Variants in KIAA0753 observed in about 807,000 individuals in gnomAD.
KIAA0753 encodes the protein protein moonraker.
Under a neutral mutation model 116.9 loss-of-function variants are expected in KIAA0753, and 114 were observed. The ratio of observed to expected loss-of-function variants is 0.98; its 90% confidence interval spans 0.84 to 1.14. The LOEUF (loss-of-function observed/expected upper bound fraction) is 1.14, where lower values mean the gene tolerates loss of function less well. Among genes scored for constraint, KIAA0753 ranks in the 50% most tolerant of loss-of-function variants. The pLI, the probability that KIAA0753 is intolerant of heterozygous loss-of-function variation, is 0.00. For synonymous variants in KIAA0753, 405 were observed against 413.1 expected, an observed-to-expected ratio of 0.98 and a Z score of 0.24; for missense variants, 1,156 against 1,172.4, an observed-to-expected ratio of 0.99 and a Z score of 0.20.
chr17:6,609,668 G>C (rs981247993), intron 9 of KIAA0753, among the ~76,000 whole-genome samples: 1 of 152,170 alleles, frequency 6.6e-6, no homozygotes, highest in African/African-American at 2.4e-5. Flanking sequence ...ATATAAAAAA[G>C]ACACAGTCCC....
At chr17:6,610,800 GCC>G in intron 8 of KIAA0753, among the ~76,000 whole-genome samples, 1 of 152,034 alleles carries the variant, frequency 6.6e-6, no homozygotes, top group Non-Finnish European at 1.5e-5. Flanking sequence ...ACCTCTCTGG[GCC>G]TTAGGTCTAA....
At chr17:6,587,505 C>T (rs1968667517) in intron 18 of KIAA0753, among the ~76,000 whole-genome samples, 1 of 152,188 alleles carries the variant, frequency 6.6e-6, no homozygotes, top group Non-Finnish European at 1.5e-5. Flanking sequence ...CCTTGGCTTG[C>T]TTTTGGGTTT....
intron 12 of KIAA0753, among the ~76,000 whole-genome samples, chr17:6,600,746 C>G (rs563271329): frequency 6.6e-6 from 1 of 152,074 alleles, no homozygotes; most frequent in Non-Finnish European, 1.5e-5. Context: ...AAGTGTGTAA[C>G]GCACTGAGTA....
intron 11 of KIAA0753, 81 bp from the exon 12 acceptor site, chr17:6,607,043 C>CA: frequency 6.8e-7 from 1 of 1,463,870 alleles, no homozygotes; most frequent in Non-Finnish European, 9.6e-7. Flanking sequence ...TTGGCTCCCC[C>CA]CTTGGCTTCT....
Position 6,589,746 on chromosome 17 carries a change from T to G in KIAA0753, c.2786+33A>C, listed in dbSNP as rs543293509. 5.2e-6 allele frequency: 8 copies of G among 1,549,612 alleles called. No individual in the cohort carries two copies. The South Asian group carries it at 9.4e-5, about 18-fold the overall frequency. On this transcript the variant is annotated intron_variant, in intron 18 of 18. Transcript: ENST00000361413. ...CTAAGTCTAAAATTTTGCAATTTGG[T>G]TCCTAAACAGAGGACCGTAACATTT...
rs1971438085 is a variant in KIAA0753, at chr17:6,623,100, G to A, written c.889-3C>T. The A allele has an allele frequency of 6.2e-7, 1 of 1,609,756 alleles. No individual in the cohort carries two copies. The highest frequency in any genetic ancestry group is 8.5e-7 in the Non-Finnish European group (1 of 1,177,684). On this transcript the variant is annotated splice_polypyrimidine_tract_variant and splice_region_variant and intron_variant, in intron 5 of 18. Coordinates refer to ENST00000361413, the MANE Select transcript of KIAA0753 (RefSeq NM_014804.3). ...GCCAGCTTAGACATTGCCCATGACT[G>A]GTAATAAACAAGATGAGAGAAGTTA...
intron 2 of KIAA0753, among the ~76,000 whole-genome samples, chr17:6,634,133 C>T (rs1367534436): frequency 6.9e-6 from 1 of 144,036 alleles, no homozygotes; most frequent in Non-Finnish European, 1.5e-5. Flanking sequence ...GATGGAGTCT[C>T]GCTCTGTCAC....
chr17:6,625,153 T>C (rs1455007788), intron 3 of KIAA0753, among the ~76,000 whole-genome samples: 1 of 152,250 alleles, frequency 6.6e-6, no homozygotes, highest in Non-Finnish European at 1.5e-5. Flanking sequence ...CACCTCTTAC[T>C]ATTTTAGAAT....
In KIAA0753 at chr17:6,585,876, G is replaced by A. The variant is rs76336246; in HGVS notation, c.2786+3903C>T. ...TTTTATCAAATATCTGGTCATCTCA[G>A]GTCATCTGCTCATTTTCAAAAATAA... is the stretch of plus-strand genomic sequence containing the variant. On this transcript the variant is annotated intron_variant, in intron 18 of 18. Coordinates refer to ENST00000361413, the MANE Select transcript of KIAA0753 (RefSeq NM_014804.3). Among the ~76,000 whole-genome samples the A allele has an allele frequency of 3.8e-3, 581 of 152,180 alleles. 7 individuals carry two copies. Among genetic ancestry groups the A allele is most frequent in the African/African-American group, 0.013 (546 of 41,506 alleles).
At chr17:6,586,596 T>C (rs1011508994) in intron 18 of KIAA0753, among the ~76,000 whole-genome samples, 1 of 152,222 alleles carries the variant, frequency 6.6e-6, no homozygotes, top group Admixed American at 6.5e-5. Flanking sequence ...GATAGAGATA[T>C]AGGAAGTAAA....
chr17:6,606,914 A>AT lies in KIAA0753; in HGVS notation c.1967dup (p.Asn656LysfsTer2), dbSNP rs1400470610. 6.2e-7 allele frequency: 1 copy of AT among 1,614,134 alleles called. No individual in the cohort carries two copies. Among genetic ancestry groups the AT allele is most frequent in the Non-Finnish European group, 8.5e-7 (1 of 1,180,000 alleles). On this transcript the variant is annotated frameshift_variant, in exon 12 of 19. Transcript: ENST00000361413. LOFTEE classifies it high-confidence loss of function. ...TATACATTTCTTCAGCTTTGAGCTC[A>AT]TTCAGTTCCTTTGTTCTTCTAGAAG...
At chr17:6,608,699 G>C (rs1302145672) in intron 9 of KIAA0753, among the ~76,000 whole-genome samples, 2 of 152,178 alleles carry the variant, frequency 1.3e-5, no homozygotes, top group Admixed American at 6.5e-5. Flanking sequence ...TTTTAAATGA[G>C]AAACAGTGAT....
intron 3 of KIAA0753, 69 bp downstream of exon 3, chr17:6,628,048 C>G: frequency 1.4e-6 from 2 of 1,455,576 alleles, no homozygotes. Flanking sequence ...TGAGGGTCCT[C>G]AAGGAATGCA....
intron 12 of KIAA0753, among the ~76,000 whole-genome samples, 171 bp from the exon 13 acceptor site, chr17:6,600,629 T>C (rs1969802227): frequency 6.6e-6 from 1 of 152,182 alleles, no homozygotes; most frequent in South Asian, 2.1e-4. Context: ...TCCAATTCAG[T>C]TGGTCTGAGT....
Position 6,615,601 on chromosome 17 carries a change from C to T in KIAA0753, c.1316-3453G>A, listed in dbSNP as rs966654309. ...TTACACTCCAGCCTGGGCAACAGAG[C>T]GAGACTCCGTCTCAAAAAAAAAAAA... On this transcript the variant is annotated intron_variant, in intron 7 of 18. Coordinates refer to ENST00000361413, the MANE Select transcript of KIAA0753 (RefSeq NM_014804.3). Among the ~76,000 whole-genome samples, 15 of 109,786 alleles carry T rather than the reference C, an allele frequency of 1.4e-4. No individual in the cohort carries two copies. The East Asian group carries it at 2.0e-3, about 15-fold the overall frequency. The allele number at this position is 109,786 out of a possible 152,430, so 72.0% of individuals were successfully genotyped here.
chr17:6,622,288 T>A (rs1050857255), intron 6 of KIAA0753, among the ~76,000 whole-genome samples: 17 of 152,248 alleles, frequency 1.1e-4, no homozygotes, highest in African/African-American at 3.9e-4. Flanking sequence ...TTGCAAAGCA[T>A]ACTGCCATAG....
At chr17:6,593,614 G>A (rs745773296) in intron 16 of KIAA0753, among the ~76,000 whole-genome samples, 1 of 152,050 alleles carries the variant, frequency 6.6e-6, no homozygotes, top group African/African-American at 2.4e-5. Flanking sequence ...GAGGCCAGGC[G>A]CAATGGCTCA....
At chr17:6,588,315 C>T (rs1968732893) in intron 18 of KIAA0753, among the ~76,000 whole-genome samples, 1 of 152,048 alleles carries the variant, frequency 6.6e-6, no homozygotes, top group Non-Finnish European at 1.5e-5. Context: ...TATGCGCCAT[C>T]AAAATAAGAG....
intron 16 of KIAA0753, among the ~76,000 whole-genome samples, chr17:6,593,482 G>A (rs1257123134): frequency 7.2e-5 from 11 of 151,940 alleles, no homozygotes; most frequent in Non-Finnish European, 1.2e-4. Context: ...GAGGCAGGGC[G>A]CAATGGCTCA....
Sources: gnomAD v4.1 joint callset for allele counts (sites outside exome capture counted in the v4.1 genomes callset) on GRCh38, gnomAD v4.1.1 for gene constraint, MANE v1.5 for transcripts, NCBI Gene and HGNC (gene_info 2026-07-23, HGNC 2026-07-21) for gene names.